Variants in EPHA10 observed in about 807,000 individuals in gnomAD.
EPHA10 encodes the protein ephrin type-A receptor 10.
EPHA10 carries 120 observed loss-of-function variants against 109.7 expected under a neutral mutation model. The observed-to-expected ratio is 1.09, with a 90% confidence interval of 0.94 to 1.27. The LOEUF is 1.27. EPHA10 is among the 50% of genes most tolerant of loss of function. The pLI is 0.00. For missense variants in EPHA10, 1,396 were observed against 1,411.1 expected (o/e 0.99, Z 0.17); for synonymous variants, 640 against 618.9 (o/e 1.03, Z -0.51).
intron 12 of EPHA10, 28 bp downstream of exon 12, chr1:37,720,755 G>A: frequency 1.2e-6 from 2 of 1,612,826 alleles, no homozygotes; most frequent in Non-Finnish European, 1.7e-6. Flanking sequence ...AGAATAAAGT[G>A]GTCATTGGCA....
chr1:37,746,145 T>C (rs1646239396), intron 5 of EPHA10, among the ~76,000 whole-genome samples: 1 of 144,768 alleles, frequency 6.9e-6, no homozygotes, highest in African/African-American at 2.6e-5. Flanking sequence ...TTGTTGCCCA[T>C]GTTGGAACGC....
At chr1:37,738,366 C>G (rs930355547) in intron 5 of EPHA10, among the ~76,000 whole-genome samples, 3 of 149,084 alleles carry the variant, frequency 2.0e-5, no homozygotes, top group African/African-American at 7.4e-5. Flanking sequence ...GACTCTGTCT[C>G]AAAAAAAAAG....
chr1:37,761,529 C>A lies in EPHA10; in HGVS notation c.726G>T (p.Ala242=), dbSNP rs762130503. The change falls in exon 3 of 17, where the codon GCG becomes GCT. Residue 242 remains alanine (A), a synonymous_variant. Coordinates refer to ENST00000373048, the MANE Select transcript of EPHA10 (RefSeq NM_001099439.2). The stretch of plus-strand genomic sequence containing the variant: ...GGCTGCCAGGCTCCCCTTCCGAGTG[C>A]GCCACGCACGTTCCGGCCACTTCCA... ...TLVEVAGTCV[A]HSEGEPGSPP... 1.3e-6 allele frequency: 2 copies of A among 1,598,634 alleles called. No individual in the cohort carries two copies. The highest frequency in any genetic ancestry group is 8.5e-7 in the Non-Finnish European group (1 of 1,177,470).
chr1:37,759,730 C>T lies in EPHA10; in HGVS notation c.850+1675G>A, dbSNP rs182248500. ...ACCAAGAACTCCAGGCTGTAATGCA[C>T]TATGATCATACCTATGAATAGCTGC... is the stretch of plus-strand genomic sequence containing the variant. On this transcript the variant is annotated intron_variant, in intron 3 of 16. Coordinates refer to ENST00000373048, the MANE Select transcript of EPHA10 (RefSeq NM_001099439.2). Among the ~76,000 whole-genome samples the T allele has an allele frequency of 8.5e-4, 129 of 151,742 alleles. No homozygotes were observed. The South Asian group carries it at 0.015, about 18-fold the overall frequency.
At position 37,721,753 on chromosome 1, in the gene EPHA10, C is replaced by T. The variant is rs750207231; in HGVS notation, c.2053G>A (p.Asp685Asn). Reference protein sequence around the residue: ...AVHMLRDSASDSQRLGFLAEA... With the variant: ...AVHMLRDSASNSQRLGFLAEA... Reference sequence around the variant, plus strand: ...GCCAGGAAGCCGAGCCTCTGTGAGTCGGAGGCGCTGTCCCTCAGCATATGC... The same window carrying T: ...GCCAGGAAGCCGAGCCTCTGTGAGTTGGAGGCGCTGTCCCTCAGCATATGC... Residue 685 changes from aspartate to asparagine, a missense_variant, in exon 11 of 17, where the codon GAC (aspartate) becomes AAC (asparagine). Coordinates refer to ENST00000373048, the MANE Select transcript of EPHA10 (RefSeq NM_001099439.2). 6.8e-6 allele frequency: 11 copies of T among 1,612,510 alleles called. No homozygotes were observed. Among genetic ancestry groups the T allele is most frequent in the Middle Eastern group, 3.3e-4 (2 of 6,040 alleles).
chr1:37,741,746 T>C (rs529865601), intron 5 of EPHA10, among the ~76,000 whole-genome samples: 1 of 145,572 alleles, frequency 6.9e-6, no homozygotes, highest in South Asian at 2.3e-4. Context: ...CTCCCTTCAG[T>C]GTCTGACCCT....
chr1:37,717,291 G>A lies in EPHA10; in HGVS notation c.*1081C>T, dbSNP rs566661856. On this transcript the variant is annotated 3_prime_UTR_variant, in exon 17 of 17. Transcript: ENST00000373048. ...GAAGGCTGGGTAGTGCCCAAGGCAC[G>A]GAGCTGGCTGGAGGGGAGTCGCCTC... 6.2e-4 allele frequency: 145 copies of A among 232,688 alleles called. No individual in the cohort carries two copies. The highest frequency in any genetic ancestry group is 2.7e-3 in the African/African-American group (123 of 45,412). 14.4% of individuals were successfully genotyped at this position (232,688 alleles called of 1,614,324 possible).
rs1646459337 is a variant in EPHA10 at position 37,764,567 on chromosome 1, T to C, written c.106+394A>G. Among the ~76,000 whole-genome samples, 1 of 152,104 alleles carries C rather than the reference T, an allele frequency of 6.6e-6. No homozygotes were observed. Among genetic ancestry groups the C allele is most frequent in the Non-Finnish European group, 1.5e-5 (1 of 68,014 alleles). ...CCACACTGTGGTCTCCTAGCCCCTG[T>C]AGTCCGGGCTCCATCCCGTCTCCCC... On this transcript the variant is annotated intron_variant, in intron 1 of 16. Coordinates refer to ENST00000373048, the MANE Select transcript of EPHA10 (RefSeq NM_001099439.2). The surrounding 1 kb of genome is among the most constrained non-coding windows in gnomAD (Gnocchi z 5.8).
In EPHA10 at chr1:37,761,931, T is replaced by G; in HGVS notation, c.324A>C (p.Thr108=). The G allele has an allele frequency of 6.2e-7, 1 of 1,613,932 alleles. No individual in the cohort carries two copies. Among genetic ancestry groups the G allele is most frequent in the Non-Finnish European group, 8.5e-7 (1 of 1,179,928 alleles). The change falls in exon 3 of 17, where the codon ACA becomes ACC. Residue 108 remains threonine, a synonymous_variant. Transcript: ENST00000373048. The part of the protein sequence containing the change: ...GQRIFVELQF[T]LRDCSSIPGA... ...CAGGGATGCTGCTGCAGTCACGGAG[T>G]GTGAACTGCAGTTCCACGAAGATGC...
chr1:37,748,972 G>C (rs561308498), intron 5 of EPHA10, among the ~76,000 whole-genome samples: 2 of 135,032 alleles, frequency 1.5e-5, no homozygotes, highest in East Asian at 4.5e-4. Context: ...ACCCAGGCTG[G>C]AGTGCAGTGG....
chr1:37,730,364 C>A (rs149710264), intron 7 of EPHA10, among the ~76,000 whole-genome samples: 1 of 152,162 alleles, frequency 6.6e-6, no homozygotes, highest in South Asian at 2.1e-4. Context: ...GCCAGAATGC[C>A]TCTTAGGGGG....
At chr1:37,757,268 G>T (rs565036979) in intron 3 of EPHA10, among the ~76,000 whole-genome samples, 4 of 152,304 alleles carry the variant, frequency 2.6e-5, no homozygotes, top group African/African-American at 7.2e-5. Flanking sequence ...AAGGGGAAAA[G>T]AACATATTCG....
At chr1:37,751,214 AAAAGAAAG>A (rs938066612) in intron 5 of EPHA10, among the ~76,000 whole-genome samples, 2 of 122,528 alleles carry the variant, frequency 1.6e-5, no homozygotes, top group South Asian at 2.7e-4. Flanking sequence ...AAAAAAAAAA[AAAAGAAAG>A]AAAGAAAGAA....
downstream of EPHA10, among the ~76,000 whole-genome samples, chr1:37,715,376 G>T (rs907631143): frequency 2.6e-5 from 4 of 152,052 alleles, no homozygotes; most frequent in Non-Finnish European, 5.9e-5. Context: ...AGCAGCAATG[G>T]CACAGCTCCT....
chr1:37,719,487 G>C lies in EPHA10; in HGVS notation c.2683C>G (p.Gln895Glu), dbSNP rs368098004. 7.4e-6 allele frequency: 12 copies of C among 1,614,044 alleles called. No homozygotes were observed. In the Admixed American group the frequency reaches 2.0e-4, roughly 27 times the overall value. ...KDPGERPRFS[Q>E]IHSILSKMVQ... is the part of the protein sequence containing the mutation. ...ATCTTGCTCAGGATGCTGTGGATCTGGGAGAACCTGGGCCGCTCACCTGGG... is the reference window on the plus strand; with the variant it reads ...ATCTTGCTCAGGATGCTGTGGATCTCGGAGAACCTGGGCCGCTCACCTGGG... Residue 895 changes from glutamine to glutamate, a missense_variant, in exon 15 of 17, where the codon CAG becomes GAG. Coordinates refer to ENST00000373048, the MANE Select transcript of EPHA10 (RefSeq NM_001099439.2).
rs1222794400 is a variant in EPHA10, at chr1:37,719,703, C to G, written c.2563-96G>C. 4.1e-6 allele frequency: 6 copies of G among 1,473,004 alleles called. No homozygotes were observed. The East Asian group carries it at 6.9e-5, about 17-fold the overall frequency. The allele number at this position is 1,473,004 out of a possible 1,614,324, so 91.2% of individuals were successfully genotyped here. ...ATGCACACACACAGACACAGACACACACACACACATGCGCACACACAGACA... is the reference window on the plus strand; with the variant it reads ...ATGCACACACACAGACACAGACACAGACACACACATGCGCACACACAGACA... On this transcript the variant is annotated intron_variant, in intron 14 of 16. Transcript: ENST00000373048.
At chr1:37,763,639 C>T (rs1304666688) in intron 1 of EPHA10, among the ~76,000 whole-genome samples, 2 of 149,032 alleles carry the variant, frequency 1.3e-5, no homozygotes, top group Non-Finnish European at 3.0e-5. Context: ...CTTAGGTTCC[C>T]AAAATTATAG....
At chr1:37,724,363 CGT>C (rs139829250) in intron 8 of EPHA10, among the ~76,000 whole-genome samples, 2 of 151,906 alleles carry the variant, frequency 1.3e-5, no homozygotes, top group Admixed American at 6.6e-5. Context: ...GGGCGTTCGA[CGT>C]GTGTGTGTGT....
intron 8 of EPHA10, among the ~76,000 whole-genome samples, chr1:37,724,816 C>T (rs529691812): frequency 8.5e-5 from 13 of 152,198 alleles, no homozygotes; most frequent in African/African-American, 2.4e-4. Flanking sequence ...CCAGCATCTC[C>T]GCTCGGTAGC....
Sources: gnomAD v4.1 joint callset for allele counts (sites outside exome capture counted in the v4.1 genomes callset) on GRCh38, gnomAD v4.1.1 for gene constraint, Gnocchi (gnomAD v3.1) non-coding constraint, MANE v1.5 for transcripts, NCBI Gene and HGNC (gene_info 2026-07-23, HGNC 2026-07-21) for gene names.